The following SCHIP1 variants were observed in gnomAD, a reference collection of about 807,000 sequenced individuals.
The protein encoded by SCHIP1 is schwannomin-interacting protein 1.
A neutral mutation model predicts 29.7 loss-of-function variants in SCHIP1; 8 were observed. That is an observed-to-expected ratio of 0.27 (90% CI 0.16 to 0.49). The LOEUF (loss-of-function observed/expected upper bound fraction) is 0.49. Ranked by LOEUF, SCHIP1 falls within the 20% of genes least tolerant of loss-of-function variation. SCHIP1 has a pLI of 0.99. For missense variants in SCHIP1, 193 were observed against 294.6 expected (o/e 0.66, Z 2.52); for synonymous variants, 76 against 94.9 (o/e 0.80, Z 1.16).
At chr3:159,355,744 T>G in the SCHIP1 span, among the ~76,000 whole-genome samples, 124 of 152,042 alleles carry the variant, frequency 8.2e-4, no homozygotes, top group African/African-American at 2.7e-3. Flanking sequence ...ATTTTCTACG[T>G]TACTATTTTG....
At chr3:159,618,736 G>A in the SCHIP1 span, among the ~76,000 whole-genome samples, 1 of 152,204 alleles carries the variant, frequency 6.6e-6, no homozygotes, top group African/African-American at 2.4e-5. Flanking sequence ...TAGAGTTGGG[G>A]AAACTGTGGC....
chr3:159,452,909 A>C, the SCHIP1 span, among the ~76,000 whole-genome samples: 1 of 152,374 alleles, frequency 6.6e-6, no homozygotes, highest in South Asian at 2.1e-4. Flanking sequence ...TTAATAAAAT[A>C]TCAGATGGCA....
At chr3:159,798,040 G>A in the SCHIP1 span, among the ~76,000 whole-genome samples, 1 of 152,230 alleles carries the variant, frequency 6.6e-6, no homozygotes, top group Admixed American at 6.5e-5. Flanking sequence ...TGAAAGGTCA[G>A]ATGAACAACT....
chr3:159,816,836 T>A, the SCHIP1 span, among the ~76,000 whole-genome samples: 20 of 152,052 alleles, frequency 1.3e-4, no homozygotes, highest in Non-Finnish European at 2.9e-5. Context: ...GTGGTACCCT[T>A]TGCCTGAAAT....
chr3:159,756,853 A>G, the SCHIP1 span, among the ~76,000 whole-genome samples: 1 of 152,252 alleles, frequency 6.6e-6, no homozygotes, highest in African/African-American at 2.4e-5. Context: ...AAATGCCACC[A>G]GTCTTTTTGC....
At chr3:159,881,458 T>A (rs1716432191) in intron 2 of SCHIP1, among the ~76,000 whole-genome samples, 1 of 152,226 alleles carries the variant, frequency 6.6e-6, no homozygotes, top group Non-Finnish European at 1.5e-5. Flanking sequence ...TGTAGGCAGA[T>A]AATGAGCAAT....
chr3:159,747,719 C>T, the SCHIP1 span, among the ~76,000 whole-genome samples: 10 of 152,286 alleles, frequency 6.6e-5, no homozygotes, highest in Admixed American at 6.5e-4. Context: ...GGGCAAGACT[C>T]CCATACACTG....
At chr3:159,477,855 T>G in the SCHIP1 span, among the ~76,000 whole-genome samples, 1 of 151,894 alleles carries the variant, frequency 6.6e-6, no homozygotes, top group Non-Finnish European at 1.5e-5. Context: ...ATTGCCTAGA[T>G]CTACATCATG....
At chr3:159,704,758 G>A in the SCHIP1 span, among the ~76,000 whole-genome samples, 4 of 152,066 alleles carry the variant, frequency 2.6e-5, no homozygotes, top group Non-Finnish European at 4.4e-5. Flanking sequence ...AAGAATTCAC[G>A]GCACCAATAG....
At chr3:159,422,665 C>A in the SCHIP1 span, among the ~76,000 whole-genome samples, 6 of 152,112 alleles carry the variant, frequency 3.9e-5, no homozygotes, top group African/African-American at 1.4e-4. Flanking sequence ...GTTCTCCCTT[C>A]TTTTTTGTTC....
the SCHIP1 span, among the ~76,000 whole-genome samples, chr3:159,488,593 A>T: frequency 6.6e-6 from 1 of 152,144 alleles, no homozygotes; most frequent in Non-Finnish European, 1.5e-5. Context: ...CTCTCAGGGG[A>T]CAGGGGTGAG....
the SCHIP1 span, among the ~76,000 whole-genome samples, chr3:159,786,170 G>T: frequency 6.6e-6 from 1 of 152,150 alleles, no homozygotes; most frequent in Non-Finnish European, 1.5e-5. Flanking sequence ...CTCAACAGCT[G>T]TTTGTAGTGC....
At chr3:159,317,399 G>A in the SCHIP1 span, among the ~76,000 whole-genome samples, 1 of 152,148 alleles carries the variant, frequency 6.6e-6, no homozygotes, top group Non-Finnish European at 1.5e-5. Context: ...ATAATGTCGT[G>A]GGAACAGGAA....
chr3:159,810,077 G>A, the SCHIP1 span, among the ~76,000 whole-genome samples: 5 of 152,268 alleles, frequency 3.3e-5, no homozygotes, highest in Middle Eastern at 3.4e-3. Context: ...ACGGAGTCTC[G>A]CACTGTCGCC....
chr3:159,456,006 C>G, the SCHIP1 span, among the ~76,000 whole-genome samples: 1 of 152,186 alleles, frequency 6.6e-6, no homozygotes, highest in Non-Finnish European at 1.5e-5. Flanking sequence ...TCTGAGCCGG[C>G]TGAGCAGTAT....
At chr3:159,621,838 G>C in the SCHIP1 span, among the ~76,000 whole-genome samples, 7 of 152,142 alleles carry the variant, frequency 4.6e-5, no homozygotes, top group East Asian at 5.8e-4. Flanking sequence ...GCTAATTTTT[G>C]TATTGTTAGT....
At chr3:159,439,355 A>G in the SCHIP1 span, among the ~76,000 whole-genome samples, 11 of 152,162 alleles carry the variant, frequency 7.2e-5, no homozygotes, top group Non-Finnish European at 5.9e-5. Flanking sequence ...AAAGCAAGGC[A>G]CTTTCTTCAA....
chr3:159,398,706 A>G, the SCHIP1 span: 1 of 152,112 alleles, frequency 6.6e-6, no homozygotes, highest in East Asian at 1.9e-4. Flanking sequence ...TTTGAATCTG[A>G]TAGAGAGGAG....
At chr3:159,657,908 C>G in the SCHIP1 span, among the ~76,000 whole-genome samples, 375 of 152,314 alleles carry the variant, frequency 2.5e-3, 1 homozygote, top group Middle Eastern at 0.01. Context: ...TGACTTATAG[C>G]TATGAAGCTT....
Sources: allele counts gnomAD v4.1 joint callset (sites outside exome capture counted in the v4.1 genomes callset), GRCh38; gene constraint gnomAD v4.1.1; transcripts MANE v1.5; gene names NCBI Gene and HGNC (gene_info 2026-07-23, HGNC 2026-07-21).